Variants in MEI4 observed in about 807,000 individuals in gnomAD.
The protein encoded by MEI4 is meiosis-specific protein MEI4.
In MEI4, 27 loss-of-function variants were observed where a neutral mutation model predicts 31.4. The observed-to-expected ratio is 0.86, with a 90% CI of 0.63 to 1.19. The LOEUF is 1.19. MEI4 is among the 50% of genes most tolerant of loss of function. The pLI, the probability that MEI4 is intolerant of heterozygous loss-of-function variation, is 0.00. For synonymous variants in MEI4, 122 were observed against 145.4 expected, an observed-to-expected ratio of 0.84 and a Z score of 1.16; for missense variants, 329 against 398.9, an observed-to-expected ratio of 0.82 and a Z score of 1.49.
intron 2 of MEI4, among the ~76,000 whole-genome samples, chr6:77,727,146 T>A (rs1458606758): frequency 1.3e-5 from 2 of 152,138 alleles, no homozygotes; most frequent in African/African-American, 2.4e-5. Context: ...TTCTGGACCC[T>A]CCAGGGTTAG....
At chr6:77,744,903 A>G (rs1023600845) in intron 2 of MEI4, among the ~76,000 whole-genome samples, 8 of 152,224 alleles carry the variant, frequency 5.3e-5, no homozygotes, top group African/African-American at 1.9e-4. Flanking sequence ...AAAATGCTTT[A>G]CAGAGAAGCA....
intron 4 of MEI4, among the ~76,000 whole-genome samples, chr6:77,916,161 A>C (rs1392951494): frequency 6.6e-6 from 1 of 152,054 alleles, no homozygotes; most frequent in Non-Finnish European, 1.5e-5. Context: ...ATCATGAATT[A>C]CTTTTTCTGA....
intron 3 of MEI4, among the ~76,000 whole-genome samples, chr6:77,793,115 A>G (rs1256262290): frequency 2.0e-5 from 3 of 151,594 alleles, no homozygotes; most frequent in Non-Finnish European, 4.4e-5. Flanking sequence ...TTTTTTTCTG[A>G]GCTTGCTATT....
At chr6:77,916,933 A>T (rs1231747924) in intron 4 of MEI4, among the ~76,000 whole-genome samples, 4 of 35,860 alleles carry the variant, frequency 1.1e-4, no homozygotes, top group Admixed American at 8.7e-4. Flanking sequence ...CCCCCACCCC[A>T]CCACAGTCCC....
At chr6:77,664,826 G>A (rs1335759133) in intron 1 of MEI4, among the ~76,000 whole-genome samples, 1 of 152,150 alleles carries the variant, frequency 6.6e-6, no homozygotes, top group Non-Finnish European at 1.5e-5. Context: ...AGATCTTGCA[G>A]GATGGAAAAA....
rs115566987 is a variant in MEI4, at chr6:77,706,156, G to T, written c.232+15253G>T. ...GTCATTGAAATTAGAACCCCTTCCT[G>T]TAAAAAGCTAGACATAAAACCTAGA... On this transcript the variant is annotated intron_variant, in intron 2 of 4. Coordinates refer to ENST00000684080, the MANE Select transcript of MEI4 (RefSeq NM_001322247.2). 6.0e-3 allele frequency among the ~76,000 whole-genome samples: 916 copies of T among 152,248 alleles called. 7 individuals are homozygous for T. Among genetic ancestry groups the T allele is most frequent in the African/African-American group, 0.02 (829 of 41,528 alleles).
intron 3 of MEI4, among the ~76,000 whole-genome samples, chr6:77,817,333 C>T (rs545455907): frequency 2.0e-5 from 3 of 152,156 alleles, no homozygotes; most frequent in Non-Finnish European, 2.9e-5. Flanking sequence ...TCTTGAGTTG[C>T]GAGGAGCATC....
At chr6:77,823,427 A>G (rs1769874607) in intron 3 of MEI4, among the ~76,000 whole-genome samples, 1 of 152,172 alleles carries the variant, frequency 6.6e-6, no homozygotes, top group South Asian at 2.1e-4. Context: ...ATTCTTGTTT[A>G]GTTAAGATGT....
At chr6:77,700,481 G>A (rs1024095676) in intron 2 of MEI4, among the ~76,000 whole-genome samples, 3 of 152,192 alleles carry the variant, frequency 2.0e-5, no homozygotes, top group African/African-American at 7.2e-5. Context: ...CGATTTTCCA[G>A]GTGCTGTCTA....
chr6:77,841,339 T>A (rs1303592396), intron 4 of MEI4, among the ~76,000 whole-genome samples: 3,269 of 45,432 alleles, frequency 0.072, 38 homozygotes, highest in Non-Finnish European at 0.095. Flanking sequence ...ATATATTTTT[T>A]TTTTTTTTTT....
upstream of MEI4, among the ~76,000 whole-genome samples, chr6:77,652,440 G>T (rs1009384704): frequency 6.6e-6 from 1 of 152,140 alleles, no homozygotes; most frequent in Non-Finnish European, 1.5e-5. Context: ...AGGTGGGGGT[G>T]ATTGTGTATA....
At chr6:77,845,349 TGTCTA>T (rs1770458192) in intron 4 of MEI4, among the ~76,000 whole-genome samples, 1 of 152,184 alleles carries the variant, frequency 6.6e-6, no homozygotes, top group Non-Finnish European at 1.5e-5. Context: ...AATAATTTTA[TGTCTA>T]TGTGTCTACA....
intron 2 of MEI4, among the ~76,000 whole-genome samples, chr6:77,736,569 A>T (rs1767240200): frequency 6.6e-6 from 1 of 152,050 alleles, no homozygotes; most frequent in Non-Finnish European, 1.5e-5. Context: ...TGTACCTCAG[A>T]TGGAAATGCA....
intron 2 of MEI4, among the ~76,000 whole-genome samples, chr6:77,720,357 A>G (rs1160177182): frequency 2.9e-5 from 1 of 34,790 alleles, no homozygotes; most frequent in Non-Finnish European, 5.2e-5. Flanking sequence ...CCACTGACTT[A>G]AGAATTTTTG....
At position 77,923,253 on chromosome 6, in the gene MEI4, C is replaced by T. The variant is rs1374407796; in HGVS notation, c.1065C>T (p.Phe355=). 1.6e-6 allele frequency: 2 copies of T among 1,230,312 alleles called. No homozygotes were observed. Among genetic ancestry groups the T allele is most frequent in the Admixed American group, 4.2e-5 (1 of 23,554 alleles). The allele number at this position is 1,230,312 out of a possible 1,614,324, so 76.2% of individuals were successfully genotyped here. A position where few individuals can be genotyped will look rare whatever the true frequency, so the allele number is the denominator to read the frequency against. ...KFLQKHDETI[F]QLSDAFPLFT... is the part of the protein sequence containing the mutation. ...TTCAGAAGCATGATGAAACTATTTTCCAACTTTCTGATGCATTTCCTTTGT... is the reference window on the plus strand; with the variant it reads ...TTCAGAAGCATGATGAAACTATTTTTCAACTTTCTGATGCATTTCCTTTGT... The change falls in exon 5 of 5, where the codon TTC becomes TTT. Residue 355 remains phenylalanine, a synonymous_variant. Transcript: ENST00000684080.
chr6:77,761,243 G>T lies in MEI4; in HGVS notation c.346G>T (p.Asp116Tyr), dbSNP rs984336878. The change falls in exon 3 of 5, where the codon GAC (aspartate) becomes TAC (tyrosine). Residue 116 changes from aspartate (D) to tyrosine (Y), a missense_variant. Coordinates refer to ENST00000684080, the MANE Select transcript of MEI4 (RefSeq NM_001322247.2). Reference sequence around the variant, plus strand: ...GAATGAGCAGAGAACTGAATCCTCAGACCTGTCCCAGCACTTTGTGGAAAG... The same window carrying T: ...GAATGAGCAGAGAACTGAATCCTCATACCTGTCCCAGCACTTTGTGGAAAG... ...LSNEQRTESSDLSQHFVESCT... is the reference protein window; with the variant it reads ...LSNEQRTESSYLSQHFVESCT... The T allele has an allele frequency of 2.6e-5, 32 of 1,232,394 alleles. No individual in the cohort carries two copies. Among genetic ancestry groups the T allele is most frequent in the African/African-American group, 3.1e-5 (2 of 64,394 alleles). The allele number at this position is 1,232,394 out of a possible 1,614,324, so 76.3% of individuals were successfully genotyped here.
rs550043662 is a variant in MEI4 at position 77,925,598 on chromosome 6, T to G, written c.*2252T>G. On this transcript the variant is annotated 3_prime_UTR_variant, in exon 5 of 5. Transcript: ENST00000684080. Reference sequence around the variant, plus strand: ...AATGTCTAACTTTAGAATTAAGGTTTTAGGGATAAGAGTAATGGAGTCAGT... The same window carrying G: ...AATGTCTAACTTTAGAATTAAGGTTGTAGGGATAAGAGTAATGGAGTCAGT... 2.0e-5 allele frequency: 3 copies of G among 151,580 alleles called. No individual in the cohort carries two copies. In the Admixed American group the frequency reaches 2.0e-4, roughly 10 times the overall value. The allele number at this position is 151,580 out of a possible 1,614,324, so 9.4% of individuals were successfully genotyped here.
intron 2 of MEI4, among the ~76,000 whole-genome samples, chr6:77,700,743 G>C (rs1159428365): frequency 1.3e-5 from 2 of 152,116 alleles, no homozygotes; most frequent in Middle Eastern, 3.2e-3. Context: ...GCTCCACCCT[G>C]ATATGCTTTT....
intron 2 of MEI4, among the ~76,000 whole-genome samples, chr6:77,695,370 T>G (rs2127653839): frequency 6.6e-6 from 1 of 152,262 alleles, no homozygotes; most frequent in East Asian, 1.9e-4. Flanking sequence ...TTGCCTAGGT[T>G]TTCTTCTAGG....
Sources: gnomAD v4.1 joint callset for allele counts (sites outside exome capture counted in the v4.1 genomes callset) on GRCh38, gnomAD v4.1.1 for gene constraint, MANE v1.5 for transcripts, NCBI Gene and HGNC (gene_info 2026-07-23, HGNC 2026-07-21) for gene names.